Variants in ANKRD12 observed in about 807,000 individuals in gnomAD.
The protein encoded by ANKRD12 is ankyrin repeat domain 12, also known as ankyrin repeat domain-containing protein 12.
ANKRD12 carries 85 observed loss-of-function variants against 183.4 expected under a neutral mutation model. The ratio of observed to expected loss-of-function variants is 0.46; its 90% CI spans 0.39 to 0.56. The LOEUF is 0.56. Ranked by LOEUF, ANKRD12 falls within the 20% of genes least tolerant of loss-of-function variation. The probability of loss-of-function intolerance (pLI) is 0.00; values close to 1 mark genes in which losing one functional copy is unlikely to be tolerated. For missense variants in ANKRD12, 2,405 were observed against 2,357.1 expected, an observed-to-expected ratio of 1.02 and a Z score of -0.42; for synonymous variants, 914 against 800.2, an observed-to-expected ratio of 1.14 and a Z score of -2.40.
At chr18:9,181,176 C>G (rs2144162652) in intron 1 of ANKRD12, among the ~76,000 whole-genome samples, 1 of 152,138 alleles carries the variant, frequency 6.6e-6, no homozygotes, top group South Asian at 2.1e-4. Flanking sequence ...AGATTTGAAC[C>G]ATTTTTCTTT....
At chr18:9,216,922 C>A in intron 7 of ANKRD12, 22 bp downstream of exon 7, 1 of 1,604,224 alleles carries the variant, frequency 6.2e-7, no homozygotes, top group Non-Finnish European at 8.5e-7. Context: ...AGAAAAAAAT[C>A]AATAATACAC....
chr18:9,223,268 T>C (rs1363057579), intron 8 of ANKRD12, among the ~76,000 whole-genome samples: 1 of 151,560 alleles, frequency 6.6e-6, no homozygotes, highest in Non-Finnish European at 1.5e-5. Context: ...TCTTTTTTTT[T>C]TTTGAGGTGG....
At chr18:9,168,931 G>A (rs1444676792) in intron 1 of ANKRD12, among the ~76,000 whole-genome samples, 4 of 152,044 alleles carry the variant, frequency 2.6e-5, no homozygotes, top group East Asian at 1.9e-4. Flanking sequence ...CTTTGTTCTC[G>A]TTGGTTTCAA....
chr18:9,222,857 T>G (rs1414743025), intron 8 of ANKRD12, among the ~76,000 whole-genome samples: 1 of 152,214 alleles, frequency 6.6e-6, no homozygotes, highest in African/African-American at 2.4e-5. Flanking sequence ...AACATTTTAC[T>G]TGTTGAACAA....
intron 1 of ANKRD12, among the ~76,000 whole-genome samples, chr18:9,146,144 T>A (rs2078485757): frequency 6.6e-6 from 1 of 152,266 alleles, no homozygotes; most frequent in Admixed American, 6.5e-5. Context: ...TTTTAGGGGT[T>A]ATTTTTTATA....
intron 5 of ANKRD12, among the ~76,000 whole-genome samples, chr18:9,209,032 T>C (rs1441410856): frequency 6.6e-6 from 1 of 152,230 alleles, no homozygotes; most frequent in Non-Finnish European, 1.5e-5. Flanking sequence ...ACACCATGTG[T>C]AATCCATGTT....
At chr18:9,139,682 G>A (rs934277883) in intron 1 of ANKRD12, among the ~76,000 whole-genome samples, 17 of 152,156 alleles carry the variant, frequency 1.1e-4, no homozygotes, top group Non-Finnish European at 4.4e-5. Context: ...ATTGCTGTAG[G>A]TTGCTTAAGA....
intron 8 of ANKRD12, among the ~76,000 whole-genome samples, chr18:9,248,776 A>G (rs753003885): frequency 6.6e-6 from 1 of 152,216 alleles, no homozygotes; most frequent in Non-Finnish European, 1.5e-5. Context: ...TATGATAGCT[A>G]TGGATGGCAT....
intron 8 of ANKRD12, among the ~76,000 whole-genome samples, chr18:9,234,056 C>T (rs2037204312): frequency 9.5e-6 from 1 of 105,028 alleles, no homozygotes; most frequent in East Asian, 3.3e-4. Flanking sequence ...GCAGGGTTAC[C>T]ACACAGTCCC....
At chr18:9,211,812 T>C in intron 6 of ANKRD12, 28 bp downstream of exon 6, 1 of 1,546,410 alleles carries the variant, frequency 6.5e-7, no homozygotes, top group East Asian at 2.3e-5. Context: ...ATACCTACTA[T>C]TCAGGCACTA....
At chr18:9,165,384 G>A (rs1410916789) in intron 1 of ANKRD12, among the ~76,000 whole-genome samples, 1 of 152,032 alleles carries the variant, frequency 6.6e-6, no homozygotes, top group Admixed American at 6.6e-5. Flanking sequence ...CTTTAGCTGT[G>A]TTTGAGTGTA....
At chr18:9,211,233 C>T (rs764962896) in intron 5 of ANKRD12, among the ~76,000 whole-genome samples, 1 of 152,124 alleles carries the variant, frequency 6.6e-6, no homozygotes, top group Non-Finnish European at 1.5e-5. Flanking sequence ...TTCACTTCCT[C>T]TAGGTCTTAG....
At chr18:9,141,252 G>A (rs2078304899) in intron 1 of ANKRD12, among the ~76,000 whole-genome samples, 1 of 151,988 alleles carries the variant, frequency 6.6e-6, no homozygotes, top group Non-Finnish European at 1.5e-5. Flanking sequence ...TTAGTTGTCA[G>A]AGCACATTAT....
At chr18:9,165,738 C>CT (rs1466529786) in intron 1 of ANKRD12, among the ~76,000 whole-genome samples, 5 of 149,816 alleles carry the variant, frequency 3.3e-5, no homozygotes, top group African/African-American at 1.2e-4. Flanking sequence ...TATTATTCTA[C>CT]TTTAAGTTTT....
intron 1 of ANKRD12, among the ~76,000 whole-genome samples, chr18:9,161,100 G>T (rs1226769053): frequency 1.3e-5 from 2 of 151,956 alleles, no homozygotes; most frequent in Non-Finnish European, 2.9e-5. Flanking sequence ...TGGCCTGTGT[G>T]TGTGTGTGTT....
At chr18:9,238,486 C>T (rs149998948) in intron 8 of ANKRD12, among the ~76,000 whole-genome samples, 203 of 152,274 alleles carry the variant, frequency 1.3e-3, no homozygotes, top group African/African-American at 4.5e-3. Flanking sequence ...CACTCCTCTT[C>T]GTGTTCTATC....
At chr18:9,165,634 C>T (rs1333742433) in intron 1 of ANKRD12, among the ~76,000 whole-genome samples, 1 of 152,152 alleles carries the variant, frequency 6.6e-6, no homozygotes, top group East Asian at 1.9e-4. Flanking sequence ...GGTTATTTCA[C>T]TTGGCATAAT....
In ANKRD12 at chr18:9,278,245, C is replaced by T. The variant is rs1478792550; in HGVS notation, c.5908-1304C>T. On this transcript the variant is annotated intron_variant, in intron 11 of 12. Coordinates refer to ENST00000262126, the MANE Select transcript of ANKRD12 (RefSeq NM_015208.5). Reference sequence around the variant, plus strand: ...CTTTAGAGTAGAAGGTCTCAAGTAGCATGCGTTATTTCCTATGGGAGTAGC... The same window carrying T: ...CTTTAGAGTAGAAGGTCTCAAGTAGTATGCGTTATTTCCTATGGGAGTAGC... Among the ~76,000 whole-genome samples the T allele has an allele frequency of 2.8e-5, 4 of 142,270 alleles. No homozygotes were observed. In the East Asian group the frequency reaches 7.8e-4, roughly 28 times the overall value. The allele number at this position is 142,270 out of a possible 152,430, so 93.3% of individuals were successfully genotyped here.
intron 1 of ANKRD12, among the ~76,000 whole-genome samples, chr18:9,142,632 T>C (rs958518566): frequency 6.6e-6 from 1 of 152,126 alleles, no homozygotes; most frequent in African/African-American, 2.4e-5. Context: ...CTGTAATCTC[T>C]GCTCTTTGGG....
Sources: allele counts gnomAD v4.1 joint callset (sites outside exome capture counted in the v4.1 genomes callset), GRCh38; gene constraint gnomAD v4.1.1; transcripts MANE v1.5; gene names NCBI Gene and HGNC (gene_info 2026-07-23, HGNC 2026-07-21).